Variants in TMEM132B observed in about 807,000 individuals in gnomAD.
TMEM132B encodes transmembrane protein 132B.
Under a neutral mutation model 90.8 loss-of-function variants are expected in TMEM132B, and 18 were observed. The ratio of observed to expected loss-of-function variants is 0.20; its 90% confidence interval spans 0.14 to 0.29. The LOEUF is 0.29. Ranked by LOEUF, TMEM132B falls within the 10% of genes least tolerant of loss-of-function variation. The pLI is 1.00. For synonymous variants in TMEM132B, 504 were observed against 523.3 expected, an observed-to-expected ratio of 0.96 and a Z score of 0.50; for missense variants, 1,096 against 1,326.8, an observed-to-expected ratio of 0.83 and a Z score of 2.70.
At chr12:125,481,540 T>A (rs1242512003) in intron 3 of TMEM132B, among the ~76,000 whole-genome samples, 1 of 152,146 alleles carries the variant, frequency 6.6e-6, no homozygotes, top group African/African-American at 2.4e-5. Flanking sequence ...GAATCCAACT[T>A]ACAAGGGATG....
chr12:125,267,752 C>T (rs1874729704), intron 1 of TMEM132B, among the ~76,000 whole-genome samples: 1 of 152,128 alleles, frequency 6.6e-6, no homozygotes, highest in Admixed American at 6.6e-5. Context: ...ACTTATTATT[C>T]TGTGAGAATA....
intron 5 of TMEM132B, chr12:125,585,612 G>A (rs1169317436): frequency 6.6e-6 from 1 of 152,194 alleles, no homozygotes; most frequent in African/African-American, 2.4e-5. Flanking sequence ...CCCATGGGGT[G>A]GAATCCTCCT....
At chr12:125,617,381 T>C (rs2136960832) in intron 5 of TMEM132B, among the ~76,000 whole-genome samples, 1 of 151,402 alleles carries the variant, frequency 6.6e-6, no homozygotes, top group East Asian at 1.9e-4. Context: ...ATTTCACTCT[T>C]ATTGCCCAGG....
At chr12:125,351,960 C>T (rs1038177182) in intron 2 of TMEM132B, among the ~76,000 whole-genome samples, 14 of 152,226 alleles carry the variant, frequency 9.2e-5, no homozygotes, top group Admixed American at 7.9e-4. Flanking sequence ...TTTCTCCCAC[C>T]TTCCACCTGC....
chr12:125,437,974 CA>C (rs1461817900), intron 3 of TMEM132B, among the ~76,000 whole-genome samples: 1 of 152,074 alleles, frequency 6.6e-6, no homozygotes, highest in Non-Finnish European at 1.5e-5. Flanking sequence ...TTTACCACAA[CA>C]AAAAATAAAA....
At chr12:125,249,720 C>T (rs1874276280) in intron 1 of TMEM132B, among the ~76,000 whole-genome samples, 1 of 152,242 alleles carries the variant, frequency 6.6e-6, no homozygotes. Context: ...TGTCATCAAG[C>T]TATCATCAAG....
intron 1 of TMEM132B, among the ~76,000 whole-genome samples, chr12:125,295,130 A>G (rs1382077285): frequency 6.6e-6 from 1 of 152,234 alleles, no homozygotes; most frequent in Non-Finnish European, 1.5e-5. Flanking sequence ...ATTAAACAGC[A>G]AAATGACCAA....
intron 4 of TMEM132B, among the ~76,000 whole-genome samples, chr12:125,571,915 C>T (rs1305829911): frequency 6.6e-6 from 1 of 152,186 alleles, no homozygotes; most frequent in Non-Finnish European, 1.5e-5. Context: ...GCACTAATAT[C>T]CTTTATAGCA....
chr12:125,595,849 TCA>T (rs956106250), intron 5 of TMEM132B, among the ~76,000 whole-genome samples: 3 of 147,732 alleles, frequency 2.0e-5, no homozygotes, highest in African/African-American at 7.7e-5. Flanking sequence ...TGGAGCAATT[TCA>T]TGCTTATTTC....
chr12:125,455,614 G>T (rs966179672), intron 3 of TMEM132B, among the ~76,000 whole-genome samples: 1 of 151,710 alleles, frequency 6.6e-6, no homozygotes, highest in African/African-American at 2.4e-5. Flanking sequence ...AAGGTTGTTG[G>T]ACCAGATCAT....
chr12:125,310,057 G>A lies in TMEM132B; in HGVS notation c.68-39395G>A, dbSNP rs111666216. On this transcript the variant is annotated intron_variant, in intron 1 of 8. Transcript: ENST00000682704. ...ATGGCAGCTGGTTGCAAGGGTGAGC[G>A]TCCCAAGAGGACCAGGCAGGAGCTG... 8.2e-3 allele frequency among the ~76,000 whole-genome samples: 1,250 copies of A among 152,254 alleles called. 22 individuals are homozygous for A. Among genetic ancestry groups the A allele is most frequent in the African/African-American group, 0.029 (1,187 of 41,550 alleles).
At chr12:125,240,878 G>C (rs1005054847) in intron 1 of TMEM132B, among the ~76,000 whole-genome samples, 1 of 152,202 alleles carries the variant, frequency 6.6e-6, no homozygotes, top group African/African-American at 2.4e-5. Flanking sequence ...CCGGGCCCTC[G>C]TCCCATGCCT....
At chr12:125,430,504 G>T (rs1880469144) in intron 3 of TMEM132B, among the ~76,000 whole-genome samples, 1 of 152,202 alleles carries the variant, frequency 6.6e-6, no homozygotes, top group African/African-American at 2.4e-5. Flanking sequence ...CTTGGGGAAG[G>T]ACTTTCTAGG....
chr12:125,509,958 A>AT (rs1456560810), intron 3 of TMEM132B, among the ~76,000 whole-genome samples: 15 of 152,312 alleles, frequency 9.8e-5, no homozygotes, highest in African/African-American at 3.4e-4. Flanking sequence ...TCCATTGTCC[A>AT]TTTTTTATGT....
chr12:125,325,399 C>A (rs1204413967), intron 1 of TMEM132B, among the ~76,000 whole-genome samples: 2 of 152,168 alleles, frequency 1.3e-5, no homozygotes, highest in Admixed American at 1.3e-4. Flanking sequence ...CTGGTGCAAG[C>A]TGCCTTGTTT....
At chr12:125,212,458 C>T (rs1003671025) in intron 1 of TMEM132B, among the ~76,000 whole-genome samples, 34 of 151,960 alleles carry the variant, frequency 2.2e-4, no homozygotes, top group African/African-American at 8.0e-4. Context: ...TTTGGGAGGC[C>T]GAGGCGGGTG....
Position 125,355,871 on chromosome 12 carries a change from G to A in TMEM132B, c.959+5528G>A, listed in dbSNP as rs775463804. Among the ~76,000 whole-genome samples the A allele has an allele frequency of 1.5e-3, 229 of 152,256 alleles. 2 individuals carry two copies. The highest frequency in any genetic ancestry group is 2.7e-3 in the Non-Finnish European group (185 of 68,006). ...CAGACTGCACATTGTAGAGGGGCCC[G>A]TCTGAACAAAAATTAAATCGGTGAT... On this transcript the variant is annotated intron_variant, in intron 2 of 8. Transcript: ENST00000682704.
chr12:125,250,918 C>T (rs1874303866), intron 1 of TMEM132B, among the ~76,000 whole-genome samples: 1 of 152,250 alleles, frequency 6.6e-6, no homozygotes, highest in Non-Finnish European at 1.5e-5. Flanking sequence ...AAAAGCCCAG[C>T]ACACTGTGCA....
intron 1 of TMEM132B, among the ~76,000 whole-genome samples, chr12:125,212,898 C>T (rs1873352023): frequency 6.6e-6 from 1 of 152,026 alleles, no homozygotes; most frequent in Admixed American, 6.6e-5. Flanking sequence ...TGTTTCACTT[C>T]ATTTTTTTTT....
Sources: allele counts gnomAD v4.1 joint callset (sites outside exome capture counted in the v4.1 genomes callset), GRCh38; gene constraint gnomAD v4.1.1; transcripts MANE v1.5; gene names NCBI Gene and HGNC (gene_info 2026-07-23, HGNC 2026-07-21).